Variants in DLG2 observed in about 807,000 individuals in gnomAD.
The protein encoded by DLG2 is disks large homolog 2.
DLG2 carries 45 observed loss-of-function variants against 132.5 expected under a neutral mutation model. The ratio of observed to expected loss-of-function variants is 0.34; its 90% CI spans 0.27 to 0.44. The LOEUF (loss-of-function observed/expected upper bound fraction) is 0.44. Ranked by LOEUF, DLG2 falls within the 20% of genes least tolerant of loss-of-function variation. The pLI, the probability that DLG2 is intolerant of heterozygous loss-of-function variation, is 1.00. For synonymous variants in DLG2, 424 were observed against 419.6 expected (o/e 1.01, Z -0.13); for missense variants, 1,045 against 1,196.9 (o/e 0.87, Z 1.87).
chr11:85,041,232 A>G (rs2061834688), intron 6 of DLG2, among the ~76,000 whole-genome samples: 1 of 151,974 alleles, frequency 6.6e-6, no homozygotes. Context: ...CAGTGATACT[A>G]TAAGATATAA....
intron 8 of DLG2, among the ~76,000 whole-genome samples, chr11:84,232,589 TC>T (rs1473533834): frequency 1.3e-5 from 2 of 152,044 alleles, no homozygotes; most frequent in African/African-American, 4.8e-5. Context: ...GGATTAGAGT[TC>T]TTAGAAGAAG....
intron 6 of DLG2, among the ~76,000 whole-genome samples, chr11:84,805,661 C>T (rs1315381278): frequency 6.6e-6 from 1 of 152,182 alleles, no homozygotes; most frequent in African/African-American, 2.4e-5. Context: ...TAACTGGCTC[C>T]TCCTTTGCCT....
chr11:84,972,414 G>T (rs1458661836), intron 6 of DLG2, among the ~76,000 whole-genome samples: 1 of 152,202 alleles, frequency 6.6e-6, no homozygotes, highest in Non-Finnish European at 1.5e-5. Context: ...TGTCAGTTTT[G>T]AAGGGAGCTG....
At chr11:85,318,025 T>A (rs1029158562) in intron 3 of DLG2, among the ~76,000 whole-genome samples, 1 of 151,898 alleles carries the variant, frequency 6.6e-6, no homozygotes, top group African/African-American at 2.4e-5. Flanking sequence ...TGAACCAATT[T>A]AATTACATTT....
intron 7 of DLG2, among the ~76,000 whole-genome samples, chr11:84,457,509 A>C (rs1046403499): frequency 6.6e-6 from 1 of 151,112 alleles, no homozygotes; most frequent in Non-Finnish European, 1.5e-5. Context: ...ACTGTATGGC[A>C]GAGACACTAA....
chr11:85,353,283 A>G (rs1478693732), intron 3 of DLG2, among the ~76,000 whole-genome samples: 2 of 152,230 alleles, frequency 1.3e-5, no homozygotes, highest in Non-Finnish European at 2.9e-5. Context: ...CAAAACCACA[A>G]TGAGATACCA....
chr11:85,449,471 G>A (rs2092147196), intron 3 of DLG2, among the ~76,000 whole-genome samples: 1 of 150,810 alleles, frequency 6.6e-6, no homozygotes, highest in Non-Finnish European at 1.5e-5. Context: ...TCATTTTTAG[G>A]AGGTCTATTT....
chr11:83,681,324 C>A (rs1351870818), intron 18 of DLG2, among the ~76,000 whole-genome samples: 2 of 152,166 alleles, frequency 1.3e-5, no homozygotes, highest in African/African-American at 4.8e-5. Context: ...AGTTAGCACG[C>A]ATCCCGCCTG....
At chr11:85,608,653 C>G (rs1405921047) in intron 2 of DLG2, among the ~76,000 whole-genome samples, 1 of 152,078 alleles carries the variant, frequency 6.6e-6, no homozygotes, top group African/African-American at 2.4e-5. Flanking sequence ...CAAAGGACCA[C>G]AAAACCCCCC....
At chr11:85,427,344 A>G (rs1246482402) in intron 3 of DLG2, among the ~76,000 whole-genome samples, 9 of 152,230 alleles carry the variant, frequency 5.9e-5, no homozygotes, top group Admixed American at 5.9e-4. Flanking sequence ...CAAAGTTGAA[A>G]TGAAGGAAAA....
At chr11:84,515,318 C>T (rs1048148850) in intron 7 of DLG2, among the ~76,000 whole-genome samples, 2 of 141,524 alleles carry the variant, frequency 1.4e-5, no homozygotes, top group African/African-American at 5.2e-5. Flanking sequence ...CACACACACC[C>T]CAAATATATG....
chr11:84,670,822 T>C (rs763354229), intron 6 of DLG2, among the ~76,000 whole-genome samples: 16 of 150,498 alleles, frequency 1.1e-4, no homozygotes, highest in Admixed American at 2.6e-4. Flanking sequence ...GGACTCATAG[T>C]CCAAAGCACC....
rs570271856 is a variant in DLG2 at position 85,444,724 on chromosome 11, T to A, written c.40+153933A>T. 5.2e-3 allele frequency among the ~76,000 whole-genome samples: 786 copies of A among 152,378 alleles called. 4 individuals carry two copies. Among genetic ancestry groups the A allele is most frequent in the Non-Finnish European group, 8.3e-3 (565 of 68,034 alleles). ...AGCTGGTGGGAAGGAACACAGCAGC[T>A]ACCTGTTATAGGCTTCTGTCTTTGA... On this transcript the variant is annotated intron_variant, in intron 3 of 27. Transcript: ENST00000376104.
chr11:85,562,724 T>TTCC lies in DLG2; in HGVS notation c.40+35930_40+35932dup, dbSNP rs145163388. 1.7e-4 allele frequency among the ~76,000 whole-genome samples: 26 copies of TTCC among 151,912 alleles called. No homozygotes were observed. In the East Asian group the frequency reaches 4.1e-3, roughly 24 times the overall value. On this transcript the variant is annotated intron_variant, in intron 3 of 27. Transcript: ENST00000376104. ...TATTCCCTAAAGCCCGATCATGGACTTCCCATCTATTCATTCATTCATTCA... is the reference window on the plus strand; with the variant it reads ...TATTCCCTAAAGCCCGATCATGGACTTCCTCCCATCTATTCATTCATTCATTCA...
intron 5 of DLG2, among the ~76,000 whole-genome samples, chr11:85,125,516 T>C: frequency 6.6e-6 from 1 of 152,174 alleles, no homozygotes; most frequent in Non-Finnish European, 1.5e-5. Flanking sequence ...TATAAGTGCA[T>C]TGCTTTTATT....
At chr11:84,781,513 CA>C (rs2071771454) in intron 6 of DLG2, among the ~76,000 whole-genome samples, 1 of 151,750 alleles carries the variant, frequency 6.6e-6, no homozygotes, top group Non-Finnish European at 1.5e-5. Flanking sequence ...CGACCTAATA[CA>C]TGATAATAAA....
chr11:83,934,083 C>T, intron 14 of DLG2, among the ~76,000 whole-genome samples: 1 of 152,188 alleles, frequency 6.6e-6, no homozygotes, highest in South Asian at 2.1e-4. Context: ...TATGAGAGCT[C>T]ATGCTATTGA....
chr11:85,598,705 T>TA lies in DLG2; in HGVS notation c.-10dup. 1 of 1,579,258 alleles carries TA rather than the reference T, an allele frequency of 6.3e-7. No individual in the cohort carries two copies. The highest frequency in any genetic ancestry group is 8.6e-7 in the Non-Finnish European group (1 of 1,165,234). On this transcript the variant is annotated 5_prime_UTR_variant, in exon 3 of 28. Coordinates refer to ENST00000376104, the MANE Select transcript of DLG2 (RefSeq NM_001142699.3). ...CTCTTAAAGATACCCATCACCTTTT[T>TA]AACCGCATTTTTCAACAGCTGCTCC...
At chr11:85,398,421 C>G (rs1477558587) in intron 3 of DLG2, among the ~76,000 whole-genome samples, 1 of 151,920 alleles carries the variant, frequency 6.6e-6, no homozygotes, top group Non-Finnish European at 1.5e-5. Flanking sequence ...CAAGAAATAA[C>G]TAAGATCAGA....
Sources: allele counts gnomAD v4.1 joint callset (sites outside exome capture counted in the v4.1 genomes callset), GRCh38; gene constraint gnomAD v4.1.1; transcripts MANE v1.5; gene names NCBI Gene and HGNC (gene_info 2026-07-23, HGNC 2026-07-21).